Variants in EGFL6 observed in about 807,000 individuals in gnomAD.
The protein encoded by EGFL6 is EGF like domain multiple 6.
In EGFL6, 42 loss-of-function variants were observed where a neutral mutation model predicts 43.1. The ratio of observed to expected loss-of-function variants is 0.98; its 90% CI spans 0.76 to 1.26. The LOEUF (loss-of-function observed/expected upper bound fraction) is 1.26. EGFL6 is among the 50% of genes most tolerant of loss of function. EGFL6 has a pLI of 0.00. For missense variants in EGFL6, 429 were observed against 427.8 expected (o/e 1.00, Z -0.02); for synonymous variants, 164 against 163.2 (o/e 1.01, Z -0.04).
At chrX:13,605,110 C>A (rs1487021123) in intron 5 of EGFL6, among the ~76,000 whole-genome samples, 1 of 111,336 alleles carries the variant, frequency 9.0e-6, no homozygotes, top group Non-Finnish European at 1.9e-5. Context: ...TCCAAATTTC[C>A]ACCCAACTCT....
Position 13,585,149 on chromosome X carries a change from C to A in EGFL6, c.75-4407C>A, listed in dbSNP as rs181769024. ...AGACCCTCTGTGATGTAGCCTCTGC[C>A]AACCTCTCGGGGCTCATCTCTCACA... On this transcript the variant is annotated intron_variant, in intron 1 of 11. Coordinates refer to ENST00000361306, the MANE Select transcript of EGFL6 (RefSeq NM_015507.4). 2.7e-3 allele frequency among the ~76,000 whole-genome samples: 306 copies of A among 111,936 alleles called. 3 individuals carry two copies. Among genetic ancestry groups the A allele is most frequent in the African/African-American group, 9.6e-3 (295 of 30,826 alleles).
chrX:13,603,285 A>G, intron 4 of EGFL6, 32 bp from the exon 5 acceptor site: 1 of 1,169,226 alleles, frequency 8.6e-7, no homozygotes, highest in Non-Finnish European at 1.1e-6. Context: ...TCATCTCAAG[A>G]GAGAAAGGCT....
intron 7 of EGFL6, among the ~76,000 whole-genome samples, chrX:13,613,157 CATATATATAT>C (rs35293457): frequency 0.013 from 1,123 of 89,409 alleles, 23 homozygotes; most frequent in African/African-American, 0.048. Flanking sequence ...TAAATATATA[CATATATATAT>C]ATATATATAT....
intron 10 of EGFL6, 114 bp downstream of exon 10, chrX:13,624,039 T>C: frequency 1.7e-6 from 1 of 590,154 alleles, no homozygotes; most frequent in Non-Finnish European, 2.6e-6. Flanking sequence ...TTTGTCATTT[T>C]TGGAAACTTT....
chrX:13,594,968 A>G (rs771784774), intron 3 of EGFL6, 40 bp downstream of exon 3: 6 of 1,062,000 alleles, frequency 5.6e-6, no homozygotes, highest in Non-Finnish European at 7.8e-6. Flanking sequence ...AAATTCAATC[A>G]TTGCAGCAGG....
intron 1 of EGFL6, among the ~76,000 whole-genome samples, chrX:13,580,398 T>A (rs1274186919): frequency 9.0e-6 from 1 of 111,661 alleles, no homozygotes; most frequent in Non-Finnish European, 1.9e-5. Flanking sequence ...GCCTAAGACA[T>A]CCAAAACTGA....
intron 2 of EGFL6, among the ~76,000 whole-genome samples, chrX:13,592,178 A>G (rs1175199188): frequency 9.2e-6 from 1 of 109,080 alleles, no homozygotes; most frequent in Non-Finnish European, 1.9e-5. Context: ...CACATTGGAA[A>G]TCAGTTTCCA....
intron 1 of EGFL6, among the ~76,000 whole-genome samples, chrX:13,580,668 C>T (rs964209764): frequency 8.9e-6 from 1 of 112,017 alleles, no homozygotes; most frequent in Non-Finnish European, 1.9e-5. Flanking sequence ...CCTGAACCAC[C>T]ACAATAGCTT....
intron 7 of EGFL6, among the ~76,000 whole-genome samples, chrX:13,616,971 G>A (rs1377607476): frequency 1.8e-5 from 2 of 108,274 alleles, no homozygotes; most frequent in Non-Finnish European, 3.8e-5. Context: ...CCGGGTTCAC[G>A]CCATTCTCCT....
intron 2 of EGFL6, among the ~76,000 whole-genome samples, chrX:13,591,893 T>C (rs932214697): frequency 9.0e-6 from 1 of 111,706 alleles, no homozygotes; most frequent in South Asian, 3.8e-4. Flanking sequence ...AATACAGAAT[T>C]GTCCATAAAC....
intron 1 of EGFL6, among the ~76,000 whole-genome samples, chrX:13,571,193 T>C (rs905662972): frequency 7.7e-5 from 8 of 103,269 alleles, no homozygotes; most frequent in African/African-American, 2.9e-4. Context: ...GCACAATTGC[T>C]CCTAGCGGAG....
intron 6 of EGFL6, among the ~76,000 whole-genome samples, chrX:13,607,160 T>G (rs1009114859): frequency 2.7e-5 from 3 of 111,574 alleles, no homozygotes; most frequent in African/African-American, 6.5e-5. Context: ...CAGGCCTCCA[T>G]GAACAAGTGA....
chrX:13,622,819 C>A (rs1443572416), intron 9 of EGFL6, among the ~76,000 whole-genome samples: 1 of 112,240 alleles, frequency 8.9e-6, no homozygotes, highest in East Asian at 2.8e-4. Context: ...TAACCACAGG[C>A]ACTGGTTCAA....
intron 10 of EGFL6, among the ~76,000 whole-genome samples, chrX:13,625,885 C>CAAAAAAAAAA (rs755901799): frequency 6.5e-5 from 2 of 30,859 alleles, no homozygotes; most frequent in African/African-American, 2.2e-4. Flanking sequence ...GACCCTGCCT[C>CAAAAAAAAAA]AAAAAAAAAA....
intron 1 of EGFL6, among the ~76,000 whole-genome samples, chrX:13,588,605 C>CAGATG (rs2045546155): frequency 9.0e-6 from 1 of 110,960 alleles, no homozygotes; most frequent in Admixed American, 9.6e-5. Flanking sequence ...AGGGGGCTCA[C>CAGATG]CTTTTTCAGG....
intron 7 of EGFL6, among the ~76,000 whole-genome samples, chrX:13,616,956 G>A (rs752409195): frequency 9.5e-6 from 1 of 105,567 alleles, no homozygotes; most frequent in African/African-American, 3.5e-5. Flanking sequence ...TGCAAGCTCC[G>A]CTTCCCGGGT....
chrX:13,608,439 G>A lies in EGFL6; in HGVS notation c.771G>A (p.Arg257=). ...AGGGATATAAAGGCAATGGACTTCG[G>A]TGTTCTGGTAAGTAGCATTTGGTCA... The part of the protein sequence containing the change: ...CKQGYKGNGL[R]CSAIPENSVK... Residue 257 remains arginine, a synonymous_variant, in exon 7 of 12, where the codon CGG becomes CGA. Coordinates refer to ENST00000361306, the MANE Select transcript of EGFL6 (RefSeq NM_015507.4). 2 of 1,210,875 alleles carry A rather than the reference G, an allele frequency of 1.7e-6. No individual in the cohort carries two copies. The highest frequency in any genetic ancestry group is 2.2e-6 in the Non-Finnish European group (2 of 894,890).
chrX:13,628,509 T>TTA (rs1454390665), intron 11 of EGFL6, among the ~76,000 whole-genome samples: 1 of 110,512 alleles, frequency 9.0e-6, no homozygotes, highest in African/African-American at 3.3e-5. Flanking sequence ...ACTGTGGACG[T>TTA]TATAAAGAGT....
At chrX:13,602,049 A>G (rs1230049400) in intron 4 of EGFL6, among the ~76,000 whole-genome samples, 3 of 112,417 alleles carry the variant, frequency 2.7e-5, no homozygotes, top group African/African-American at 9.7e-5. Context: ...ATAAAGGAGT[A>G]ATATAATCAT....
Sources: gnomAD v4.1 joint callset for allele counts (sites outside exome capture counted in the v4.1 genomes callset) on GRCh38, gnomAD v4.1.1 for gene constraint, MANE v1.5 for transcripts, NCBI Gene and HGNC (gene_info 2026-07-23, HGNC 2026-07-21) for gene names.